EIF3E: variants seen among roughly 807,000 people sequenced by gnomAD.
EIF3E encodes the protein eIF-3 p48.
Under a neutral mutation model 59.3 loss-of-function variants are expected in EIF3E, and 25 were observed. That is an observed-to-expected ratio of 0.42 (90% CI 0.31 to 0.59). The LOEUF (loss-of-function observed/expected upper bound fraction) is 0.59, where lower values mean the gene tolerates loss of function less well. EIF3E is among the 20% of genes least tolerant of loss of function. EIF3E has a pLI of 0.15. For synonymous variants in EIF3E, 176 were observed against 170.2 expected (o/e 1.03, Z -0.26); for missense variants, 317 against 534.3 (o/e 0.59, Z 4.01).
At chr8:108,233,298 T>C (rs1350499355) in intron 5 of EIF3E, 2 of 152,204 alleles carry the variant, frequency 1.3e-5, no homozygotes, top group African/African-American at 2.4e-5. Context: ...AAGTTGTCTA[T>C]GCAATTTAAG....
chr8:108,209,425 T>C (rs1249304119), intron 10 of EIF3E, among the ~76,000 whole-genome samples: 1 of 152,120 alleles, frequency 6.6e-6, no homozygotes, highest in African/African-American at 2.4e-5. Flanking sequence ...GAGAATGATA[T>C]GGACCTATTT....
rs557591811 is a variant in EIF3E, at chr8:108,221,145, A to G, written c.723-3685T>C. On this transcript the variant is annotated intron_variant, in intron 7 of 12. Transcript: ENST00000220849. The stretch of plus-strand genomic sequence containing the variant: ...GAAAAGGAAAGAAAGAAAAGAAAAG[A>G]ACCCCTCAGACACTTAACTGAAAAA... Among the ~76,000 whole-genome samples the G allele has an allele frequency of 1.4e-3, 207 of 152,178 alleles. 1 individual carries two copies. Among genetic ancestry groups the G allele is most frequent in the African/African-American group, 4.9e-3 (202 of 41,530 alleles).
rs1335914208 is a variant in EIF3E, at chr8:108,202,838, TTC to T, written c.1299+143_1299+144del. 72 of 914,120 alleles carry T rather than the reference TTC, an allele frequency of 7.9e-5. 2 individuals carry two copies. In the South Asian group the frequency reaches 1.4e-3, roughly 18 times the overall value. The allele number at this position is 914,120 out of a possible 1,614,324, so 56.6% of individuals were successfully genotyped here. A position where few individuals can be genotyped will look rare whatever the true frequency, so the allele number is the denominator to read the frequency against. On this transcript the variant is annotated intron_variant, in intron 12 of 12. Transcript: ENST00000220849. The stretch of plus-strand genomic sequence containing the variant: ...CATATAATACATCTAAGAAAAAATT[TTC>T]TGTTTAGTAATTTCTTAAAAATGTT...
chr8:108,218,154 G>T (rs653081), intron 7 of EIF3E, among the ~76,000 whole-genome samples: 76,235 of 151,894 alleles, frequency 0.5, 19,181 homozygotes, highest in African/African-American at 0.58. Context: ...CACCTCTGAG[G>T]GCCAGACACT....
chr8:108,237,503 T>C (rs1240271977), intron 3 of EIF3E, among the ~76,000 whole-genome samples: 3 of 152,128 alleles, frequency 2.0e-5, no homozygotes, highest in Non-Finnish European at 2.9e-5. Context: ...CCACCCACCT[T>C]GGCCTCCCAA....
At chr8:108,243,926 G>A (rs896510144) in intron 1 of EIF3E, among the ~76,000 whole-genome samples, 15 of 152,048 alleles carry the variant, frequency 9.9e-5, no homozygotes, top group Non-Finnish European at 2.1e-4. Context: ...AATTTGCCAC[G>A]TCTCTCTCCA....
At chr8:108,237,169 C>A (rs931626078) in intron 3 of EIF3E, among the ~76,000 whole-genome samples, 1 of 152,150 alleles carries the variant, frequency 6.6e-6, no homozygotes, top group Non-Finnish European at 1.5e-5. Context: ...TGTTGACAGA[C>A]TAGTAAAAGA....
At chr8:108,221,792 G>A (rs1467347913) in intron 7 of EIF3E, among the ~76,000 whole-genome samples, 1 of 107,954 alleles carries the variant, frequency 9.3e-6, no homozygotes, top group Admixed American at 9.2e-5. Flanking sequence ...AAAGCTGCCA[G>A]ACTACACACA....
intron 10 of EIF3E, among the ~76,000 whole-genome samples, chr8:108,210,848 T>C (rs1377097346): frequency 2.6e-5 from 4 of 152,116 alleles, no homozygotes; most frequent in African/African-American, 9.7e-5. Flanking sequence ...CATGCGGTGT[T>C]TGGTTTTCTG....
At chr8:108,202,181 T>G (rs901396491) in intron 12 of EIF3E, among the ~76,000 whole-genome samples, 5 of 152,014 alleles carry the variant, frequency 3.3e-5, no homozygotes, top group Non-Finnish European at 5.9e-5. Context: ...GAACAATAAA[T>G]GATACAAATT....
At chr8:108,241,519 T>C (rs184961983) in intron 2 of EIF3E, among the ~76,000 whole-genome samples, 5 of 152,184 alleles carry the variant, frequency 3.3e-5, no homozygotes, top group Admixed American at 3.3e-4. Context: ...CATTCTCAGA[T>C]AATTCTAAGG....
intron 10 of EIF3E, among the ~76,000 whole-genome samples, chr8:108,205,639 T>C (rs573907549): frequency 6.6e-6 from 1 of 152,206 alleles, no homozygotes; most frequent in Non-Finnish European, 1.5e-5. Flanking sequence ...ACATCTTGTA[T>C]TGTCCTACTG....
intron 5 of EIF3E, among the ~76,000 whole-genome samples, chr8:108,230,889 G>A (rs1342644946): frequency 6.6e-6 from 1 of 152,082 alleles, no homozygotes; most frequent in Non-Finnish European, 1.5e-5. Flanking sequence ...TCAAAAACTT[G>A]CTGGTAAAAA....
At chr8:108,217,897 A>G (rs1196910302) in intron 7 of EIF3E, among the ~76,000 whole-genome samples, 2 of 152,218 alleles carry the variant, frequency 1.3e-5, no homozygotes, top group African/African-American at 4.8e-5. Context: ...AGGGGATGAA[A>G]GACTGGAAGC....
intron 11 of EIF3E, 101 bp from the exon 12 acceptor site, chr8:108,203,218 G>T: frequency 3.3e-6 from 3 of 898,430 alleles, no homozygotes; most frequent in South Asian, 2.3e-5. Flanking sequence ...TTAATGCACT[G>T]TATAGAGATG....
chr8:108,236,284 C>T, intron 3 of EIF3E, 81 bp from the exon 4 acceptor site: 3 of 1,069,990 alleles, frequency 2.8e-6, no homozygotes, highest in South Asian at 2.9e-5. Flanking sequence ...TAAGTTATTA[C>T]CTACGCAAAG....
At chr8:108,224,216 C>G (rs1032954095) in intron 7 of EIF3E, among the ~76,000 whole-genome samples, 1 of 150,650 alleles carries the variant, frequency 6.6e-6, no homozygotes, top group African/African-American at 2.5e-5. Flanking sequence ...AGTGAGACTC[C>G]GTCTCAAAAA....
chr8:108,223,340 G>A (rs636399), intron 7 of EIF3E, among the ~76,000 whole-genome samples: 76,240 of 151,952 alleles, frequency 0.5, 19,187 homozygotes, highest in African/African-American at 0.58. Context: ...AGGACACTAA[G>A]TAGACCTCCA....
chr8:108,201,249 T>C lies in EIF3E; in HGVS notation c.*636A>G, dbSNP rs1814988373. On this transcript the variant is annotated 3_prime_UTR_variant, in exon 13 of 13. Transcript: ENST00000220849. Reference sequence around the variant, plus strand: ...CAATAAAAAAGGAATTAACTACTGATCATATATATATATATATCTATCTCT... The same window carrying C: ...CAATAAAAAAGGAATTAACTACTGACCATATATATATATATATCTATCTCT... The C allele has an allele frequency of 1.4e-5, 1 of 72,040 alleles. No individual in the cohort carries two copies. The highest frequency in any genetic ancestry group is 7.3e-5 in the African/African-American group (1 of 13,632). 4.5% of individuals were successfully genotyped at this position (72,040 alleles called of 1,614,324 possible). A position where few individuals can be genotyped will look rare whatever the true frequency, so the allele number is the denominator to read the frequency against.
Sources: allele counts gnomAD v4.1 joint callset (sites outside exome capture counted in the v4.1 genomes callset), GRCh38; gene constraint gnomAD v4.1.1; transcripts MANE v1.5; gene names NCBI Gene and HGNC (gene_info 2026-07-23, HGNC 2026-07-21).